Variants in WRAP73 observed in about 807,000 individuals in gnomAD.
WRAP73 encodes the protein WD repeat-containing protein WRAP73.
In WRAP73, 55 loss-of-function variants were observed where a neutral mutation model predicts 59.6. The ratio of observed to expected loss-of-function variants is 0.92; its 90% CI spans 0.74 to 1.15. The LOEUF (loss-of-function observed/expected upper bound fraction) is 1.15, where lower values mean the gene tolerates loss of function less well. Among genes scored for constraint, WRAP73 ranks in the 50% most tolerant of loss-of-function variants. WRAP73 has a pLI of 0.00. For missense variants in WRAP73, 592 were observed against 608.1 expected (o/e 0.97, Z 0.28); for synonymous variants, 265 against 258.2 (o/e 1.03, Z -0.25).
intron 9 of WRAP73, 146 bp downstream of exon 9, chr1:3,633,252 A>G: frequency 1.3e-6 from 1 of 768,474 alleles, no homozygotes; most frequent in East Asian, 2.5e-5. Context: ...ACCTCCAGCC[A>G]ACAGGCTGAG....
At chr1:3,642,263 G>A (rs972951536) in intron 3 of WRAP73, among the ~76,000 whole-genome samples, 15 of 152,134 alleles carry the variant, frequency 9.9e-5, no homozygotes, top group African/African-American at 3.6e-4. Flanking sequence ...GACTACAAGA[G>A]CAATGAAGAG....
intron 3 of WRAP73, among the ~76,000 whole-genome samples, chr1:3,645,572 C>G (rs578257740): frequency 1.1e-4 from 16 of 152,130 alleles, no homozygotes; most frequent in Non-Finnish European, 1.9e-4. Context: ...GTGCAGCCAG[C>G]AGCCCAGACA....
At position 3,646,594 on chromosome 1, in the gene WRAP73, C is replaced by T. The variant is rs189922713; in HGVS notation, c.339+72G>A. 2.1e-5 allele frequency: 27 copies of T among 1,304,460 alleles called. No homozygotes were observed. The East Asian group carries it at 6.5e-4, about 31-fold the overall frequency. 80.8% of individuals were successfully genotyped at this position (1,304,460 alleles called of 1,614,324 possible). On this transcript the variant is annotated intron_variant, in intron 3 of 11. Coordinates refer to ENST00000270708, the MANE Select transcript of WRAP73 (RefSeq NM_017818.4). The surrounding 1 kb of genome is among the most constrained non-coding windows in gnomAD (Gnocchi z 5.1). Reference sequence around the variant, plus strand: ...CATACTCCAAACACACCCCCTCTCGCACTCCCCAGCTGTTTCGAGAGCAGA... The same window carrying T: ...CATACTCCAAACACACCCCCTCTCGTACTCCCCAGCTGTTTCGAGAGCAGA...
rs541382905 is a variant in WRAP73, at chr1:3,631,069, A to G, written c.1289T>C (p.Met430Thr). ...SLCWHLSGDS[M>T]ALLSKDHFCL... ...GAAGTGATCCTTGCTGAGGAGGGCC[A>G]TCGAGTCTCCGCTTAAATGCCAGCA... The change falls in exon 12 of 12, where the codon ATG becomes ACG. Residue 430 changes from methionine to threonine, a missense_variant. Coordinates refer to ENST00000270708, the MANE Select transcript of WRAP73 (RefSeq NM_017818.4). 1.1e-4 allele frequency: 171 copies of G among 1,613,338 alleles called. No homozygotes were observed. The highest frequency in any genetic ancestry group is 5.8e-4 in the South Asian group (53 of 91,088).
intron 8 of WRAP73, chr1:3,633,817 C>T (rs1042585498): frequency 1.7e-5 from 5 of 288,816 alleles, no homozygotes; most frequent in Non-Finnish European, 2.6e-5. Context: ...GCCTTCCCTC[C>T]GTGATAAGAG....
rs112519032 is a variant in WRAP73 at position 3,643,660 on chromosome 1, G to A, written c.339+3006C>T. ...TCGCGCCTTCGGAAGGGGACCCAGC[G>A]GCCCCGCTGAGCCCCGGACATGGGG... On this transcript the variant is annotated intron_variant, in intron 3 of 11. Transcript: ENST00000270708. 7.2e-3 allele frequency among the ~76,000 whole-genome samples: 527 copies of A among 73,180 alleles called. 6 individuals are homozygous for A. The highest frequency in any genetic ancestry group is 0.027 in the African/African-American group (497 of 18,080). The allele number at this position is 73,180 out of a possible 152,430, so 48.0% of individuals were successfully genotyped here. A position where few individuals can be genotyped will look rare whatever the true frequency, so the allele number is the denominator to read the frequency against.
intron 4 of WRAP73, among the ~76,000 whole-genome samples, chr1:3,637,460 GGCTATCTCCAGCTA>G (rs1217152391): frequency 1.3e-5 from 2 of 152,160 alleles, no homozygotes; most frequent in Admixed American, 1.3e-4. Flanking sequence ...GGACACCCAG[GGCTATCTCCAGCTA>G]GGCAAAAGGC....
rs1343878354 is a variant in WRAP73, at chr1:3,630,812, A to G, written c.*163T>C. 7 of 823,246 alleles carry G rather than the reference A, an allele frequency of 8.5e-6. No individual in the cohort carries two copies. The African/African-American group carries it at 1.2e-4, about 14-fold the overall frequency. The allele number at this position is 823,246 out of a possible 1,614,324, so 51.0% of individuals were successfully genotyped here. On this transcript the variant is annotated 3_prime_UTR_variant, in exon 12 of 12. Transcript: ENST00000270708. ...TATTTATTTTAAATAATAAAACTACAGTTTTATACCATACATATTTACAAA... is the reference window on the plus strand; with the variant it reads ...TATTTATTTTAAATAATAAAACTACGGTTTTATACCATACATATTTACAAA...
chr1:3,642,810 G>A (rs770303107), intron 3 of WRAP73, among the ~76,000 whole-genome samples: 23 of 151,448 alleles, frequency 1.5e-4, no homozygotes, highest in Non-Finnish European at 4.4e-5. Flanking sequence ...GCCCCACTAC[G>A]TGAACCTGCT....
At chr1:3,643,017 C>A (rs912880363) in intron 3 of WRAP73, among the ~76,000 whole-genome samples, 4 of 152,218 alleles carry the variant, frequency 2.6e-5, no homozygotes, top group African/African-American at 9.7e-5. Flanking sequence ...CCAAGCAAGG[C>A]TCTCCTAGAG....
At chr1:3,638,535 T>G (rs1644609663) in intron 4 of WRAP73, among the ~76,000 whole-genome samples, 1 of 152,216 alleles carries the variant, frequency 6.6e-6, no homozygotes, top group Non-Finnish European at 1.5e-5. Context: ...ACTGTGGTCA[T>G]GTTTTAAAAG....
intron 9 of WRAP73, chr1:3,632,826 C>T (rs574257115): frequency 1.2e-5 from 3 of 244,084 alleles, no homozygotes; most frequent in East Asian, 2.5e-4. Flanking sequence ...TGCCAGGCTG[C>T]ACCTGTCCTG....
At chr1:3,632,444 T>C (rs1644545938) in intron 9 of WRAP73, 106 bp from the exon 10 acceptor site, 4 of 1,573,676 alleles carry the variant, frequency 2.5e-6, no homozygotes, top group Admixed American at 3.4e-5. Context: ...CCAGCTCCTC[T>C]GTTCAAAGGG....
At chr1:3,633,560 T>C (rs1297813151) in intron 8 of WRAP73, 57 bp from the exon 9 acceptor site, 6 of 1,389,028 alleles carry the variant, frequency 4.3e-6, no homozygotes, top group Admixed American at 2.7e-5. Context: ...AAGCCAAGGA[T>C]GGACGTGGCA....
At chr1:3,637,902 G>A (rs764741377) in intron 4 of WRAP73, among the ~76,000 whole-genome samples, 1 of 152,200 alleles carries the variant, frequency 6.6e-6, no homozygotes, top group African/African-American at 2.4e-5. Flanking sequence ...TTATTTTCCA[G>A]TTCTGTATTA....
At chr1:3,638,626 CCCAAGGGGGT>C (rs1211335564) in intron 4 of WRAP73, 114 bp downstream of exon 4, 1 of 984,470 alleles carries the variant, frequency 1.0e-6, no homozygotes, top group African/African-American at 1.6e-5. Context: ...TTTAAAAGAG[CCCAAGGGGGT>C]TGGCTATGTG....
intron 1 of WRAP73, among the ~76,000 whole-genome samples, chr1:3,649,696 A>C (rs1644722597): frequency 6.8e-6 from 1 of 147,648 alleles, no homozygotes; most frequent in African/African-American, 2.5e-5. Context: ...TGCTTGGGGC[A>C]CCTCCCCGGG....
chr1:3,633,609 C>T (rs1174782526), intron 8 of WRAP73, 106 bp from the exon 9 acceptor site: 19 of 864,518 alleles, frequency 2.2e-5, no homozygotes, highest in Admixed American at 6.3e-5. Context: ...GTGTGCCTGC[C>T]ATGACAGCTG....
chr1:3,644,999 A>G (rs1030184526), intron 3 of WRAP73, among the ~76,000 whole-genome samples: 10 of 152,238 alleles, frequency 6.6e-5, no homozygotes, highest in African/African-American at 2.2e-4. Flanking sequence ...TGAAACACTC[A>G]GGCCGAAAGT....
Sources: allele counts gnomAD v4.1 joint callset (sites outside exome capture counted in the v4.1 genomes callset), GRCh38; gene constraint gnomAD v4.1.1; non-coding constraint Gnocchi (gnomAD v3.1); transcripts MANE v1.5; gene names NCBI Gene and HGNC (gene_info 2026-07-23, HGNC 2026-07-21).